Variants in KANSL1L observed in about 807,000 individuals in gnomAD.
KANSL1L encodes the protein KAT8 regulatory NSL complex subunit 1-like protein.
A neutral mutation model predicts 108.6 loss-of-function variants in KANSL1L; 25 were observed. The observed-to-expected ratio is 0.23, with a 90% CI of 0.17 to 0.32. The LOEUF is 0.32. Among genes scored for constraint, KANSL1L ranks in the 10% least tolerant of loss-of-function variants. KANSL1L has a pLI of 1.00. For synonymous variants in KANSL1L, 405 were observed against 395.1 expected (o/e 1.03, Z -0.30); for missense variants, 1,137 against 1,125.7 (o/e 1.01, Z -0.14).
At chr2:210,122,841 GA>G (rs34412653) in intron 3 of KANSL1L, among the ~76,000 whole-genome samples, 65,418 of 149,424 alleles carry the variant, frequency 0.44, 14,265 homozygotes, top group East Asian at 0.51. Context: ...CAAATCAATA[GA>G]AAAAAAAAAT....
intron 6 of KANSL1L, among the ~76,000 whole-genome samples, chr2:210,059,318 G>A (rs1393743590): frequency 6.6e-6 from 1 of 152,150 alleles, no homozygotes; most frequent in Admixed American, 6.5e-5. Context: ...CCTGCCAGAA[G>A]AGCAAGTGAG....
At chr2:210,144,436 A>G (rs1349250718) in intron 2 of KANSL1L, among the ~76,000 whole-genome samples, 2 of 152,152 alleles carry the variant, frequency 1.3e-5, no homozygotes, top group Non-Finnish European at 2.9e-5. Flanking sequence ...CTTAATTGCT[A>G]TAATGTGAAC....
chr2:210,116,787 C>A (rs2094959486), intron 3 of KANSL1L, among the ~76,000 whole-genome samples: 1 of 152,106 alleles, frequency 6.6e-6, no homozygotes, highest in African/African-American at 2.4e-5. Context: ...CAAATTAGTG[C>A]AGATGCAAAG....
chr2:210,031,410 C>T lies in KANSL1L; in HGVS notation c.2155+11G>A. 1.3e-6 allele frequency: 2 copies of T among 1,579,318 alleles called. No individual in the cohort carries two copies. Among genetic ancestry groups the T allele is most frequent in the Middle Eastern group, 1.7e-4 (1 of 5,982 alleles). On this transcript the variant is annotated intron_variant, in intron 9 of 14. Transcript: ENST00000281772. ...TTTATCACTACTGCTTATATCCTCACTTTAACCTACCTAATGCTGTTTCAC... is the reference window on the plus strand; with the variant it reads ...TTTATCACTACTGCTTATATCCTCATTTTAACCTACCTAATGCTGTTTCAC...
At chr2:210,148,334 A>G (rs909618009) in intron 2 of KANSL1L, among the ~76,000 whole-genome samples, 3 of 152,200 alleles carry the variant, frequency 2.0e-5, no homozygotes, top group Non-Finnish European at 4.4e-5. Flanking sequence ...CCAGGAAAAG[A>G]AGAAAAGAAA....
chr2:210,153,816 T>G lies in KANSL1L; in HGVS notation c.767A>C (p.His256Pro). ...QMLLAKHVVK[H>P]YGQQMKLSMK... ...AGACAATTTCATCTGCTGACCATAG[T>G]GCTTAACAACATGCTTTGCCAGGAG... Residue 256 changes from histidine to proline, a missense_variant, in exon 2 of 15, where the codon CAC becomes CCC. By Grantham distance (77) the His-to-Pro change is moderately conservative (BLOSUM62 -2). This residue lies in a region of KANSL1L where 556 missense variants were observed against 537.7 expected (regional missense o/e 1.03). Transcript: ENST00000281772. The G allele has an allele frequency of 1.2e-6, 2 of 1,613,462 alleles. No homozygotes were observed. Among genetic ancestry groups the G allele is most frequent in the Non-Finnish European group, 1.7e-6 (2 of 1,179,868 alleles).
Position 210,025,206 on chromosome 2 carries a change from A to C in KANSL1L, c.2462T>G (p.Leu821Arg). Reference sequence around the variant, plus strand: ...CCTTAGGGAGAAGACTTCATCAGAAAGATCTTCTATCTGGAATTAGAAATA... The same window carrying C: ...CCTTAGGGAGAAGACTTCATCAGAACGATCTTCTATCTGGAATTAGAAATA... ...YNLGKEEIED[L>R]SDEVFSLRHK... is the part of the protein sequence containing the mutation. The change falls in exon 13 of 15, where the codon CTT becomes CGT. Residue 821 changes from leucine to arginine, a missense_variant. By Grantham distance (102) the Leu-to-Arg change is moderately radical. This residue lies in a region of KANSL1L where 575 missense variants were observed against 567.1 expected (regional missense o/e 1.01). Coordinates refer to ENST00000281772, the MANE Select transcript of KANSL1L (RefSeq NM_152519.4). 1 of 1,559,296 alleles carries C rather than the reference A, an allele frequency of 6.4e-7. No homozygotes were observed. The highest frequency in any genetic ancestry group is 8.8e-7 in the Non-Finnish European group (1 of 1,130,020).
intron 10 of KANSL1L, among the ~76,000 whole-genome samples, chr2:210,029,459 A>G (rs1253436677): frequency 6.7e-6 from 1 of 149,340 alleles, no homozygotes; most frequent in Non-Finnish European, 1.5e-5. Flanking sequence ...ATAACAAAAA[A>G]ACAAACAAAC....
At chr2:210,028,768 T>C (rs2093973685) in intron 11 of KANSL1L, 77 bp downstream of exon 11, 3 of 1,104,150 alleles carry the variant, frequency 2.7e-6, no homozygotes, top group Non-Finnish European at 2.6e-6. Flanking sequence ...CTTTCATTAA[T>C]TAAAATTCTT....
At chr2:210,121,352 G>A (rs755122342) in intron 3 of KANSL1L, among the ~76,000 whole-genome samples, 62 of 152,142 alleles carry the variant, frequency 4.1e-4, no homozygotes, top group Admixed American at 4.6e-4. Flanking sequence ...GCAGAAACAC[G>A]AATGAAGCTG....
At chr2:210,024,649 G>A (rs2125112396) in intron 13 of KANSL1L, among the ~76,000 whole-genome samples, 1 of 151,844 alleles carries the variant, frequency 6.6e-6, no homozygotes, top group East Asian at 1.9e-4. Context: ...AAGCTCATTT[G>A]TGTTTCTAAA....
In KANSL1L at chr2:210,154,055, C is replaced by A. The variant is rs1421669195; in HGVS notation, c.528G>T (p.Glu176Asp). 10 of 1,613,648 alleles carry A rather than the reference C, an allele frequency of 6.2e-6. No homozygotes were observed. Among genetic ancestry groups the A allele is most frequent in the Non-Finnish European group, 6.8e-6 (8 of 1,179,680 alleles). Residue 176 changes from glutamate (E) to aspartate (D), a missense_variant, in exon 2 of 15, where the codon GAG becomes GAT. Glu to Asp is a conservative substitution (Grantham distance 45). Transcript: ENST00000281772. ...VQLQNCKWYQENALLDKVTDA... is the reference protein window; with the variant it reads ...VQLQNCKWYQDNALLDKVTDA... ...CAGTAACTTTATCCAAAAGTGCATT[C>A]TCTTGATACCATTTACAGTTTTGTA...
At position 210,023,021 on chromosome 2, in the gene KANSL1L, T is replaced by A. The variant is rs2093881747; in HGVS notation, c.2892A>T (p.Lys964Asn). 6.2e-7 allele frequency: 1 copy of A among 1,613,902 alleles called. No homozygotes were observed. The highest frequency in any genetic ancestry group is 1.1e-5 in the South Asian group (1 of 91,086). Residue 964 changes from lysine (K) to asparagine (N), a missense_variant, in exon 15 of 15, where the codon AAA (lysine) becomes AAT (asparagine). Transcript: ENST00000281772. ...TSVPENGHHPKKQSDGMEEYK... is the reference protein window; with the variant it reads ...TSVPENGHHPNKQSDGMEEYK... ...ATTCTTCCATTCCATCTGACTGCTT[T>A]TTTGGATGGTGGCCATTCTCTGGTA...
In KANSL1L at chr2:210,098,167, G is replaced by C. The variant is rs764828359; in HGVS notation, c.1469C>G (p.Pro490Arg). 1.9e-6 allele frequency: 3 copies of C among 1,612,520 alleles called. No homozygotes were observed. Among genetic ancestry groups the C allele is most frequent in the Non-Finnish European group, 2.5e-6 (3 of 1,179,198 alleles). Residue 490 changes from proline (P) to arginine (R), a missense_variant, in exon 5 of 15, where the codon CCT becomes CGT. By Grantham distance (103) the Pro-to-Arg change is moderately radical. This residue lies in a region of KANSL1L where 575 missense variants were observed against 567.1 expected (regional missense o/e 1.01). Transcript: ENST00000281772. ...TGATGAAGTTGGGGACAAGTTGAGA[G>C]GGGCAATCAAACTGTTGATGATCTC... ...LTEIINSLIAPLNLSPTSSPL... is the reference protein window; with the variant it reads ...LTEIINSLIARLNLSPTSSPL...
intron 14 of KANSL1L, 134 bp downstream of exon 14, chr2:210,023,899 A>C (rs2093896797): frequency 1.9e-6 from 1 of 532,208 alleles, no homozygotes; most frequent in Non-Finnish European, 3.2e-6. Context: ...ATGCTGCAAT[A>C]CAGATCTTCT....
intron 8 of KANSL1L, among the ~76,000 whole-genome samples, chr2:210,035,676 A>G (rs1413913840): frequency 6.6e-6 from 1 of 152,000 alleles, no homozygotes; most frequent in East Asian, 1.9e-4. Flanking sequence ...ACGGGGTTTC[A>G]CCATGTTGCC....
chr2:210,021,804 A>C lies in KANSL1L; in HGVS notation c.*1145T>G, dbSNP rs1053818560. The C allele has an allele frequency of 6.6e-6, 1 of 151,710 alleles. No individual in the cohort carries two copies. Among genetic ancestry groups the C allele is most frequent in the Admixed American group, 6.6e-5 (1 of 15,178 alleles). The allele number at this position is 151,710 out of a possible 1,614,324, so 9.4% of individuals were successfully genotyped here. A position where few individuals can be genotyped will look rare whatever the true frequency, so the allele number is the denominator to read the frequency against. On this transcript the variant is annotated 3_prime_UTR_variant, in exon 15 of 15. Transcript: ENST00000281772. ...AAAATGGTTTAATAGCTTCAAAAGG[A>C]ATTTTCTTTCATGTATACTCTTCAG... is the stretch of plus-strand genomic sequence containing the variant.
chr2:210,044,236 G>T lies in KANSL1L; in HGVS notation c.1756-132C>A, dbSNP rs952404099. 7 of 506,948 alleles carry T rather than the reference G, an allele frequency of 1.4e-5. No homozygotes were observed. The highest frequency in any genetic ancestry group is 2.0e-5 in the African/African-American group (1 of 50,182). The allele number at this position is 506,948 out of a possible 1,614,324, so 31.4% of individuals were successfully genotyped here. A position where few individuals can be genotyped will look rare whatever the true frequency, so the allele number is the denominator to read the frequency against. On this transcript the variant is annotated intron_variant, in intron 6 of 14. Coordinates refer to ENST00000281772, the MANE Select transcript of KANSL1L (RefSeq NM_152519.4). The surrounding 1 kb of genome is among the most constrained non-coding windows in gnomAD (Gnocchi z 4.2). ...AAGTTTTACAAATATTTTGCTAGATGTTTTCCCAATTAACTTTAATATTTA... is the reference window on the plus strand; with the variant it reads ...AAGTTTTACAAATATTTTGCTAGATTTTTTCCCAATTAACTTTAATATTTA...
intron 5 of KANSL1L, chr2:210,097,172 T>C (rs1424960264): frequency 1.4e-5 from 10 of 733,402 alleles, no homozygotes; most frequent in Non-Finnish European, 1.7e-5. Context: ...CTCGAACTCC[T>C]GAGCTCATGA....
Sources: allele counts gnomAD v4.1 joint callset (sites outside exome capture counted in the v4.1 genomes callset), GRCh38; gene constraint gnomAD v4.1.1; regional missense constraint gnomAD v4.1.1; non-coding constraint Gnocchi (gnomAD v3.1); transcripts MANE v1.5; gene names NCBI Gene and HGNC (gene_info 2026-07-23, HGNC 2026-07-21).